ARHGAP8: variants seen among roughly 807,000 people sequenced by gnomAD.
ARHGAP8 encodes Rho GTPase activating protein 8.
Under a neutral mutation model 46.1 loss-of-function variants are expected in ARHGAP8, and 62 were observed. That is an observed-to-expected ratio of 1.34 (90% confidence interval 1.10 to 1.66). ARHGAP8 has a LOEUF of 1.66. Ranked by LOEUF, ARHGAP8 falls within the 40% of genes most tolerant of loss-of-function variation. ARHGAP8 has a pLI of 0.00. For synonymous variants in ARHGAP8, 375 were observed against 243.1 expected, an observed-to-expected ratio of 1.54 and a Z score of -5.05; for missense variants, 923 against 568.4, an observed-to-expected ratio of 1.62 and a Z score of -6.34.
intron 10 of ARHGAP8, among the ~76,000 whole-genome samples, chr22:44,857,943 C>A (rs1026966592): frequency 1.6e-4 from 6 of 36,862 alleles, no homozygotes; most frequent in Non-Finnish European, 3.8e-4. Flanking sequence ...TCAGAGGGAC[C>A]ACAGAGCTGA....
intron 1 of ARHGAP8, 143 bp from the exon 2 acceptor site, chr22:44,786,314 G>T: frequency 2.0e-6 from 2 of 988,554 alleles, no homozygotes; most frequent in Non-Finnish European, 2.8e-6. Flanking sequence ...GGCAGGGCGC[G>T]TAGTGGGTGC....
At position 44,825,462 on chromosome 22, in the gene ARHGAP8, C is replaced by T. The variant is rs769217037; in HGVS notation, c.486-21C>T. The T allele has an allele frequency of 6.2e-6, 10 of 1,601,010 alleles. No homozygotes were observed. The South Asian group carries it at 9.9e-5, about 16-fold the overall frequency. On this transcript the variant is annotated intron_variant, in intron 6 of 11. Coordinates refer to ENST00000356099, the MANE Select transcript of ARHGAP8 (RefSeq NM_181335.3). ...CAGCTGCCCCTGCCAGGTGAGATCC[C>T]AGCCTCTGTTGTGTCTACAGGTACG...
intron 1 of ARHGAP8, among the ~76,000 whole-genome samples, chr22:44,773,396 T>A (rs913280666): frequency 2.0e-5 from 3 of 152,220 alleles, no homozygotes; most frequent in African/African-American, 7.2e-5. Context: ...GTGTTCTGAT[T>A]GGTGAATTGA....
At chr22:44,851,751 ATC>A (rs2070099500) in intron 10 of ARHGAP8, among the ~76,000 whole-genome samples, 1 of 151,998 alleles carries the variant, frequency 6.6e-6, no homozygotes, top group Non-Finnish European at 1.5e-5. Context: ...GAGGTGGGAG[ATC>A]ACCTGAGCCT....
At position 44,822,328 on chromosome 22, in the gene ARHGAP8, TG is replaced by T. The variant is rs749718617; in HGVS notation, c.387-41del. 2.5e-5 allele frequency: 38 copies of T among 1,547,700 alleles called. No individual in the cohort carries two copies. In the African/African-American group the frequency reaches 5.1e-4, roughly 21 times the overall value. ...TCCCTGCAACCCTCGGCCTCTCTGC[TG>T]GCGCCTAATCGTTCTTTATTCTCTT... On this transcript the variant is annotated intron_variant, in intron 5 of 11. Transcript: ENST00000356099.
chr22:44,862,583 A>G lies in ARHGAP8; in HGVS notation c.1290A>G (p.Arg430=), dbSNP rs772392189. The stretch of plus-strand genomic sequence containing the variant: ...CTCCGAGTCCCCTGATGGCAGCCAG[A>G]AGACGTCTCTAGTGTTGCGAACACT... The part of the protein sequence containing the change: ...TLPPSPLMAA[R]RRL Residue 430 remains arginine (R), a synonymous_variant, in exon 12 of 12, where the codon AGA becomes AGG. Coordinates refer to ENST00000356099, the MANE Select transcript of ARHGAP8 (RefSeq NM_181335.3). 5.0e-6 allele frequency: 8 copies of G among 1,584,446 alleles called. No homozygotes were observed. The highest frequency in any genetic ancestry group is 6.9e-6 in the Non-Finnish European group (8 of 1,159,986).
intron 1 of ARHGAP8, among the ~76,000 whole-genome samples, chr22:44,768,754 T>A (rs1357395144): frequency 1.3e-5 from 2 of 152,020 alleles, no homozygotes; most frequent in Non-Finnish European, 2.9e-5. Flanking sequence ...AGGTATGACA[T>A]CAGGTCGCCC....
intron 3 of ARHGAP8, among the ~76,000 whole-genome samples, chr22:44,802,450 C>T (rs572175871): frequency 6.6e-6 from 1 of 152,322 alleles, no homozygotes; most frequent in East Asian, 1.9e-4. Flanking sequence ...GGACAGTCCC[C>T]TGGTCCTAGG....
At chr22:44,848,136 A>C in intron 9 of ARHGAP8, 86 bp downstream of exon 9, 2 of 1,541,632 alleles carry the variant, frequency 1.3e-6, no homozygotes, top group Non-Finnish European at 1.7e-6. Flanking sequence ...GCAGGGAAGC[A>C]CCGCCCCCGC....
chr22:44,814,211 C>G (rs768696751), intron 4 of ARHGAP8, among the ~76,000 whole-genome samples: 1 of 152,238 alleles, frequency 6.6e-6, no homozygotes, highest in African/African-American at 2.4e-5. Flanking sequence ...TTGCATTGAA[C>G]CGGCCTCTGG....
intron 5 of ARHGAP8, among the ~76,000 whole-genome samples, chr22:44,820,617 C>T (rs539686598): frequency 1.3e-5 from 2 of 152,270 alleles, no homozygotes; most frequent in Admixed American, 6.5e-5. Flanking sequence ...AGGCAGGCCC[C>T]GCTTTCCTCC....
chr22:44,791,113 T>C (rs1295673742), intron 2 of ARHGAP8, among the ~76,000 whole-genome samples: 1 of 152,058 alleles, frequency 6.6e-6, no homozygotes, highest in Non-Finnish European at 1.5e-5. Flanking sequence ...TCCAGATTAT[T>C]CATCCTTCTC....
chr22:44,824,903 G>T (rs934620114), intron 6 of ARHGAP8, among the ~76,000 whole-genome samples: 1 of 151,946 alleles, frequency 6.6e-6, no homozygotes, highest in South Asian at 2.1e-4. Flanking sequence ...AAAGTGTTGG[G>T]ATTACAGGCG....
intron 8 of ARHGAP8, among the ~76,000 whole-genome samples, chr22:44,846,016 C>G (rs947179478): frequency 2.0e-5 from 3 of 152,112 alleles, no homozygotes; most frequent in Non-Finnish European, 4.4e-5. Flanking sequence ...TGAGTGCCCC[C>G]CCCCATCCCC....
chr22:44,823,110 G>A lies in ARHGAP8; in HGVS notation c.485+641G>A, dbSNP rs138467135. ...TGCCAAAGTACGTGCAGGGAAGGCT[G>A]GTAGCCTTGCAGGGGTAATGGAGAT... On this transcript the variant is annotated intron_variant, in intron 6 of 11. Transcript: ENST00000356099. Among the ~76,000 whole-genome samples, 498 of 152,326 alleles carry A rather than the reference G, an allele frequency of 3.3e-3. 2 individuals are homozygous for A. Among genetic ancestry groups the A allele is most frequent in the Admixed American group, 4.9e-3 (75 of 15,298 alleles).
chr22:44,818,793 C>T (rs1011006934), intron 5 of ARHGAP8, among the ~76,000 whole-genome samples: 22 of 151,888 alleles, frequency 1.4e-4, no homozygotes, highest in African/African-American at 4.8e-4. Flanking sequence ...ACCTCCTGGG[C>T]TCAAGTGGTC....
At chr22:44,766,985 G>T (rs1413746451) in intron 1 of ARHGAP8, among the ~76,000 whole-genome samples, 1 of 152,190 alleles carries the variant, frequency 6.6e-6, no homozygotes, top group Non-Finnish European at 1.5e-5. Context: ...CCACTGCTTG[G>T]CTCCAAAACC....
chr22:44,780,891 G>A (rs1480047452), intron 1 of ARHGAP8, among the ~76,000 whole-genome samples: 1 of 152,130 alleles, frequency 6.6e-6, no homozygotes, highest in Non-Finnish European at 1.5e-5. Context: ...AAGGTGCTAG[G>A]TTCTGTTTCC....
In ARHGAP8 at chr22:44,776,148, C is replaced by T. The variant is rs1209059902; in HGVS notation, c.-71-10309C>T. 2.6e-5 allele frequency among the ~76,000 whole-genome samples: 4 copies of T among 152,240 alleles called. No individual in the cohort carries two copies. The East Asian group carries it at 7.7e-4, about 29-fold the overall frequency. ...GCTGCTTCCAGAGGCTTCTGTAACC[C>T]TCATTAATATGTAGGCATCCAGCCA... is the stretch of plus-strand genomic sequence containing the variant. On this transcript the variant is annotated intron_variant, in intron 1 of 11. Transcript: ENST00000356099.
Sources: gnomAD v4.1 joint callset for allele counts (sites outside exome capture counted in the v4.1 genomes callset) on GRCh38, gnomAD v4.1.1 for gene constraint, MANE v1.5 for transcripts, NCBI Gene and HGNC (gene_info 2026-07-23, HGNC 2026-07-21) for gene names.